Variants in RPGRIP1 observed in about 807,000 individuals in gnomAD.
RPGRIP1 encodes the protein RPGR interacting protein 1, also known as X-linked retinitis pigmentosa GTPase regulator-interacting protein 1.
Under a neutral mutation model 157.9 loss-of-function variants are expected in RPGRIP1, and 128 were observed. That is an observed-to-expected ratio of 0.81 (90% CI 0.70 to 0.94). The LOEUF is 0.94. Ranked by LOEUF, RPGRIP1 falls within the 40% of genes least tolerant of loss-of-function variation. The pLI is 0.00. For synonymous variants in RPGRIP1, 554 were observed against 571.6 expected (o/e 0.97, Z 0.44); for missense variants, 1,486 against 1,545.8 (o/e 0.96, Z 0.65).
At chr14:21,307,948 T>C (rs1267676718) in intron 7 of RPGRIP1, 112 bp downstream of exon 7, 2 of 639,638 alleles carry the variant, frequency 3.1e-6, no homozygotes, top group African/African-American at 1.9e-5. Context: ...AAAGACAATT[T>C]ATAAGTGATA....
At chr14:21,317,151 C>A (rs1486987785) in intron 10 of RPGRIP1, among the ~76,000 whole-genome samples, 1 of 151,718 alleles carries the variant, frequency 6.6e-6, no homozygotes, top group African/African-American at 2.4e-5. Flanking sequence ...AAAAAAGGAA[C>A]CAGCCATGTG....
rs201639860 is a variant in RPGRIP1, at chr14:21,326,055, T to C, written c.2592T>C (p.Tyr864=). 136 of 1,613,992 alleles carry C rather than the reference T, an allele frequency of 8.4e-5. No homozygotes were observed. In the East Asian group the frequency reaches 2.9e-3, roughly 34 times the overall value. ...PVLVTSDLDH[Y]LRREALSIHV... is the part of the protein sequence containing the mutation. The stretch of plus-strand genomic sequence containing the variant: ...TTGTGACCTCTGACCTGGACCATTA[T>C]CTGAGACGGGAGGCCTTGTCTATAC... Residue 864 remains tyrosine (Y), a synonymous_variant, in exon 17 of 25, where the codon TAT becomes TAC. Transcript: ENST00000400017.
At position 21,327,923 on chromosome 14, in the gene RPGRIP1, C is replaced by T. The variant is rs1326625203; in HGVS notation, c.2895+116C>T. ...GTGGCTCACGCCTGTAATCCCAGCA[C>T]TTTGGGAGGCCATGGCAGGCGAATT... On this transcript the variant is annotated intron_variant, in intron 18 of 24. Transcript: ENST00000400017. 11 of 769,018 alleles carry T rather than the reference C, an allele frequency of 1.4e-5. No individual in the cohort carries two copies. In the Admixed American group the frequency reaches 3.1e-4, roughly 22 times the overall value. 47.6% of individuals were successfully genotyped at this position (769,018 alleles called of 1,614,324 possible). A position where few individuals can be genotyped will look rare whatever the true frequency, so the allele number is the denominator to read the frequency against.
chr14:21,310,822 T>C, intron 8 of RPGRIP1: 1 of 680,096 alleles, frequency 1.5e-6, no homozygotes, highest in Non-Finnish European at 2.7e-6. Context: ...AATATGAAAT[T>C]GTAGTTGAGA....
chr14:21,291,166 A>C (rs997210442), intron 2 of RPGRIP1, among the ~76,000 whole-genome samples: 2 of 152,048 alleles, frequency 1.3e-5, no homozygotes, highest in African/African-American at 4.8e-5. Flanking sequence ...TTCAGGGGCC[A>C]GTTTTGCCAA....
At chr14:21,280,957 G>A (rs975161402) in intron 1 of RPGRIP1, among the ~76,000 whole-genome samples, 5 of 151,684 alleles carry the variant, frequency 3.3e-5, no homozygotes, top group Non-Finnish European at 7.4e-5. Flanking sequence ...TATATTTATT[G>A]TGTAAAATTT....
At chr14:21,342,108 T>C (rs1393033054) in intron 21 of RPGRIP1, among the ~76,000 whole-genome samples, 1 of 151,478 alleles carries the variant, frequency 6.6e-6, no homozygotes, top group African/African-American at 2.4e-5. Flanking sequence ...GGTGGCCTCC[T>C]CAGTGGCATG....
intron 1 of RPGRIP1, among the ~76,000 whole-genome samples, chr14:21,282,468 C>T (rs1880165715): frequency 6.6e-6 from 1 of 152,098 alleles, no homozygotes. Context: ...GATCTCCTGA[C>T]CTCATGATCA....
chr14:21,335,926 T>C (rs909745679), intron 21 of RPGRIP1, among the ~76,000 whole-genome samples: 3 of 152,160 alleles, frequency 2.0e-5, no homozygotes, highest in African/African-American at 7.3e-5. Flanking sequence ...CGCTGCTGCC[T>C]GACACATTTG....
intron 23 of RPGRIP1, among the ~76,000 whole-genome samples, chr14:21,346,826 G>A (rs1263895231): frequency 2.0e-5 from 3 of 152,166 alleles, no homozygotes; most frequent in Non-Finnish European, 2.9e-5. Context: ...ATGAGCCACT[G>A]TGCCCGACCT....
At chr14:21,316,453 G>C (rs1171480473) in intron 10 of RPGRIP1, among the ~76,000 whole-genome samples, 3 of 151,994 alleles carry the variant, frequency 2.0e-5, no homozygotes, top group African/African-American at 7.2e-5. Flanking sequence ...ATCTCACACT[G>C]TTACCTGGGC....
At chr14:21,324,478 C>T in intron 14 of RPGRIP1, 140 bp from the exon 15 acceptor site, 1 of 744,080 alleles carries the variant, frequency 1.3e-6, no homozygotes, top group Non-Finnish European at 2.3e-6. Context: ...GTTGCTTTTC[C>T]TTTTGAATCA....
chr14:21,305,704 T>A (rs917424052), intron 6 of RPGRIP1, among the ~76,000 whole-genome samples: 5 of 151,970 alleles, frequency 3.3e-5, no homozygotes, highest in Non-Finnish European at 7.4e-5. Context: ...TTACTGAAAA[T>A]ACCAAAATTA....
intron 6 of RPGRIP1, among the ~76,000 whole-genome samples, chr14:21,304,142 G>A (rs139162479): frequency 6.0e-5 from 9 of 151,204 alleles, no homozygotes; most frequent in African/African-American, 1.5e-4. Context: ...GTGAAACCCC[G>A]TCTGTACTAA....
At position 21,324,970 on chromosome 14, in the gene RPGRIP1, G is replaced by A. The variant is rs1184723905; in HGVS notation, c.2115G>A (p.Gln705=). ...CTTCAGCCCGGCTTGACATACACCA[G>A]GCCATGGCCAGTGAACACAGCACTC... ...QEASARLDIH[Q]AMASEHSTLA... The change falls in exon 15 of 25, where the codon CAG becomes CAA. Residue 705 remains glutamine, a synonymous_variant. Transcript: ENST00000400017. 1 of 1,613,866 alleles carries A rather than the reference G, an allele frequency of 6.2e-7. No homozygotes were observed. Among genetic ancestry groups the A allele is most frequent in the Non-Finnish European group, 8.5e-7 (1 of 1,179,906 alleles).
intron 1 of RPGRIP1, among the ~76,000 whole-genome samples, chr14:21,283,015 A>G (rs1880187013): frequency 1.3e-5 from 2 of 151,798 alleles, no homozygotes; most frequent in Non-Finnish European, 2.9e-5. Context: ...ATTCCAATAA[A>G]CTCCATTTCA....
At chr14:21,334,513 C>T in intron 20 of RPGRIP1, 92 bp from the exon 21 acceptor site, 3 of 843,938 alleles carry the variant, frequency 3.6e-6, no homozygotes, top group Non-Finnish European at 6.0e-6. Flanking sequence ...GAACTAGTGA[C>T]CAGACAGTGG....
Position 21,294,709 on chromosome 14 carries a change from A to G in RPGRIP1, c.118A>G (p.Arg40Gly). The change falls in exon 3 of 25, where the codon AGG becomes GGG. Residue 40 changes from arginine to glycine, a missense_variant. Coordinates refer to ENST00000400017, the MANE Select transcript of RPGRIP1 (RefSeq NM_020366.4). ...TATGAAAACTCAACCACCCTTGAGC[A>G]GGATGAACCGGGAGGAATTGGAGGA... ...KNMKTQPPLS[R>G]MNREELEDSF... 6.2e-7 allele frequency: 1 copy of G among 1,613,730 alleles called. No individual in the cohort carries two copies. The highest frequency in any genetic ancestry group is 8.5e-7 in the Non-Finnish European group (1 of 1,179,738).
intron 2 of RPGRIP1, among the ~76,000 whole-genome samples, chr14:21,291,986 C>T (rs540583201): frequency 3.5e-4 from 54 of 152,152 alleles, no homozygotes; most frequent in African/African-American, 1.2e-3. Context: ...TCTCAAACTC[C>T]TGACCTCGTG....
Sources: allele counts gnomAD v4.1 joint callset (sites outside exome capture counted in the v4.1 genomes callset), GRCh38; gene constraint gnomAD v4.1.1; transcripts MANE v1.5; gene names NCBI Gene and HGNC (gene_info 2026-07-23, HGNC 2026-07-21).